CEP128: variants seen among roughly 807,000 people sequenced by gnomAD.
CEP128 encodes centrosomal protein 128kDa.
Under a neutral mutation model 156.7 loss-of-function variants are expected in CEP128, and 132 were observed. The observed-to-expected ratio is 0.84, with a 90% confidence interval of 0.73 to 0.97. The LOEUF is 0.97. Among genes scored for constraint, CEP128 ranks in the 50% least tolerant of loss-of-function variants. CEP128 has a pLI of 0.00. For missense variants in CEP128, 1,252 were observed against 1,281.9 expected, an observed-to-expected ratio of 0.98 and a Z score of 0.36; for synonymous variants, 469 against 448.9, an observed-to-expected ratio of 1.04 and a Z score of -0.57.
chr14:80,510,758 T>C (rs188311081), intron 23 of CEP128, among the ~76,000 whole-genome samples: 2 of 152,140 alleles, frequency 1.3e-5, no homozygotes, highest in South Asian at 2.1e-4. Context: ...TTTTATGGTG[T>C]TGAGATATGT....
chr14:80,637,590 A>ATTT (rs916301833), intron 19 of CEP128, among the ~76,000 whole-genome samples: 1 of 152,212 alleles, frequency 6.6e-6, no homozygotes, highest in African/African-American at 2.4e-5. Flanking sequence ...GAACTCTTAC[A>ATTT]TTTTTATCAG....
rs533442090 is a variant in CEP128 at position 80,905,788 on chromosome 14, C to A, written c.361+167G>T. On this transcript the variant is annotated intron_variant, in intron 5 of 24. Transcript: ENST00000555265. ...AAAAAACAATATAACAACAAAGACC[C>A]TTCAATATATTTCAAAGCATGTACT... 9 of 611,508 alleles carry A rather than the reference C, an allele frequency of 1.5e-5. No individual in the cohort carries two copies. The South Asian group carries it at 1.5e-4, about 10-fold the overall frequency. 37.9% of individuals were successfully genotyped at this position (611,508 alleles called of 1,614,324 possible).
intron 13 of CEP128, among the ~76,000 whole-genome samples, chr14:80,823,827 T>A (rs1322563645): frequency 6.6e-6 from 1 of 152,190 alleles, no homozygotes; most frequent in Non-Finnish European, 1.5e-5. Flanking sequence ...CATGCTGGGA[T>A]CTGGAGGAAG....
At chr14:80,494,620 C>G (rs539733777), downstream of CEP128, among the ~76,000 whole-genome samples, 1 of 152,200 alleles carries the variant, frequency 6.6e-6, no homozygotes, top group African/African-American at 2.4e-5. Flanking sequence ...CTAAATGGCT[C>G]TACATGTACT....
At chr14:80,487,295 G>A (rs569395391), downstream of CEP128, among the ~76,000 whole-genome samples, 137 of 152,242 alleles carry the variant, frequency 9.0e-4, 1 homozygote, top group African/African-American at 3.3e-3. Flanking sequence ...TTACATAATG[G>A]TAAAGGGATC....
chr14:80,762,396 A>C (rs1900017640), intron 16 of CEP128, among the ~76,000 whole-genome samples: 1 of 152,186 alleles, frequency 6.6e-6, no homozygotes, highest in Admixed American at 6.5e-5. Context: ...TGACACCTTC[A>C]GTCATCACAC....
At chr14:80,711,494 T>C (rs1897406249) in intron 19 of CEP128, among the ~76,000 whole-genome samples, 1 of 152,120 alleles carries the variant, frequency 6.6e-6, no homozygotes, top group Non-Finnish European at 1.5e-5. Context: ...TCTTATTACT[T>C]GCAGTAGTAA....
At chr14:80,946,819 C>T (rs1886355661) in intron 2 of CEP128, among the ~76,000 whole-genome samples, 1 of 152,112 alleles carries the variant, frequency 6.6e-6, no homozygotes, top group Non-Finnish European at 1.5e-5. Context: ...CGTGTCCCCA[C>T]CCAAATGTCA....
intron 18 of CEP128, among the ~76,000 whole-genome samples, chr14:80,744,394 C>T (rs1898990326): frequency 6.6e-6 from 1 of 151,972 alleles, no homozygotes; most frequent in South Asian, 2.1e-4. Flanking sequence ...TCATCAAAAA[C>T]AAAAGGGGGC....
At chr14:80,646,344 T>C (rs184758385) in intron 19 of CEP128, among the ~76,000 whole-genome samples, 49 of 151,720 alleles carry the variant, frequency 3.2e-4, no homozygotes, top group Admixed American at 3.1e-3. Context: ...CTCTGAAAAA[T>C]GAAGTCATTT....
At chr14:80,814,316 T>C (rs1190925489) in intron 13 of CEP128, among the ~76,000 whole-genome samples, 1 of 152,150 alleles carries the variant, frequency 6.6e-6, no homozygotes, top group African/African-American at 2.4e-5. Context: ...CTATGCCCCA[T>C]ATATCTCTTA....
intron 8 of CEP128, among the ~76,000 whole-genome samples, chr14:80,892,294 T>C (rs772300606): frequency 1.4e-4 from 22 of 151,786 alleles, no homozygotes; most frequent in Non-Finnish European, 2.9e-4. Flanking sequence ...GGGGCACCAA[T>C]AGGATACAAT....
At chr14:80,900,064 TTC>T in intron 6 of CEP128, 35 bp from the exon 7 acceptor site, 9 of 1,327,620 alleles carry the variant, frequency 6.8e-6, no homozygotes, top group Non-Finnish European at 9.7e-6. Context: ...CCATTTAGAA[TTC>T]TGTTGAATTC....
chr14:80,524,422 A>T (rs1380983956), intron 23 of CEP128, among the ~76,000 whole-genome samples: 1 of 152,170 alleles, frequency 6.6e-6, no homozygotes, highest in Non-Finnish European at 1.5e-5. Flanking sequence ...TCTTATCTGA[A>T]GCATTTTCTT....
chr14:80,881,980 C>T (rs905230356), intron 8 of CEP128, among the ~76,000 whole-genome samples: 1 of 152,032 alleles, frequency 6.6e-6, no homozygotes, highest in Non-Finnish European at 1.5e-5. Flanking sequence ...CTTTCACCAC[C>T]GTTACTCAAC....
chr14:80,887,074 C>T (rs1888842941), intron 8 of CEP128, among the ~76,000 whole-genome samples: 4 of 152,266 alleles, frequency 2.6e-5, no homozygotes, highest in Non-Finnish European at 5.9e-5. Flanking sequence ...ACAAGAAGAG[C>T]TAACTACCCT....
At chr14:80,915,645 A>G (rs943544776) in intron 3 of CEP128, among the ~76,000 whole-genome samples, 1 of 152,236 alleles carries the variant, frequency 6.6e-6, no homozygotes, top group Non-Finnish European at 1.5e-5. Context: ...CCTCTAAATT[A>G]AAATGGCACC....
chr14:80,616,562 G>C (rs1049246581), intron 19 of CEP128, among the ~76,000 whole-genome samples: 1 of 151,940 alleles, frequency 6.6e-6, no homozygotes, highest in African/African-American at 2.4e-5. Flanking sequence ...TTTAAATCAA[G>C]TGTTCCCATT....
intron 13 of CEP128, among the ~76,000 whole-genome samples, chr14:80,809,451 A>T (rs570976663): frequency 6.0e-4 from 91 of 152,306 alleles, no homozygotes; most frequent in African/African-American, 2.2e-3. Flanking sequence ...ACTTAACAAA[A>T]TAATAGATAA....
Sources: gnomAD v4.1 joint callset for allele counts (sites outside exome capture counted in the v4.1 genomes callset) on GRCh38, gnomAD v4.1.1 for gene constraint, MANE v1.5 for transcripts, NCBI Gene and HGNC (gene_info 2026-07-23, HGNC 2026-07-21) for gene names.